Variants in STUM observed in about 807,000 individuals in gnomAD.
The protein encoded by STUM is protein stum homolog.
A neutral mutation model predicts 15.3 loss-of-function variants in STUM; 8 were observed. The ratio of observed to expected loss-of-function variants is 0.52; its 90% confidence interval spans 0.31 to 0.94. The LOEUF (loss-of-function observed/expected upper bound fraction) is 0.94, where lower values mean the gene tolerates loss of function less well. Among genes scored for constraint, STUM ranks in the 40% least tolerant of loss-of-function variants. The pLI, the probability that STUM is intolerant of heterozygous loss-of-function variation, is 0.05. For missense variants in STUM, 142 were observed against 204.9 expected (o/e 0.69, Z 1.87); for synonymous variants, 78 against 88.7 (o/e 0.88, Z 0.68).
rs1328098540 is a variant in STUM at position 226,601,888 on chromosome 1, C to A, written c.392-118C>A. The A allele has an allele frequency of 8.3e-5, 66 of 791,272 alleles. No individual in the cohort carries two copies. In the East Asian group the frequency reaches 1.7e-3, roughly 21 times the overall value. 49.0% of individuals were successfully genotyped at this position (791,272 alleles called of 1,614,324 possible). ...AAAGTTGTGCTCTGATGGTAGCAGT[C>A]ATTTACACCTTAGTATAAACAATGC... On this transcript the variant is annotated intron_variant, in intron 3 of 3. Transcript: ENST00000366788.
chr1:226,554,001 G>A (rs889319874), intron 1 of STUM, among the ~76,000 whole-genome samples: 2 of 152,134 alleles, frequency 1.3e-5, no homozygotes, highest in African/African-American at 2.4e-5. Context: ...ACCCCCACCC[G>A]ATGCCATATG....
At chr1:226,558,337 C>G (rs1189877713) in intron 1 of STUM, among the ~76,000 whole-genome samples, 1 of 152,112 alleles carries the variant, frequency 6.6e-6, no homozygotes, top group African/African-American at 2.4e-5. Context: ...CCCTTTGTTC[C>G]CAGGATCATT....
rs546819148 is a variant in STUM at position 226,601,283 on chromosome 1, C to A, written c.391+609C>A. ...CTGGGACTACAGGCACATGCCTCCA[C>A]GCCCAGTTAATTTTTTGTATTCTTA... On this transcript the variant is annotated intron_variant, in intron 3 of 3. Coordinates refer to ENST00000366788, the MANE Select transcript of STUM (RefSeq NM_001003665.4). Among the ~76,000 whole-genome samples, 76 of 152,256 alleles carry A rather than the reference C, an allele frequency of 5.0e-4. 2 individuals are homozygous for A. The South Asian group carries it at 0.016, about 31-fold the overall frequency.
At chr1:226,578,609 C>G (rs1408476457) in intron 1 of STUM, among the ~76,000 whole-genome samples, 1 of 152,178 alleles carries the variant, frequency 6.6e-6, no homozygotes, top group Non-Finnish European at 1.5e-5. Context: ...GCACTCCTCC[C>G]ACCTTGGCCT....
At chr1:226,596,627 A>C (rs906106525) in intron 1 of STUM, among the ~76,000 whole-genome samples, 175 bp from the exon 2 acceptor site, 2 of 152,162 alleles carry the variant, frequency 1.3e-5, no homozygotes, top group African/African-American at 4.8e-5. Context: ...TATGGAGATG[A>C]GAGGTGGGCC....
intron 1 of STUM, among the ~76,000 whole-genome samples, chr1:226,596,149 A>T (rs893951404): frequency 1.2e-4 from 18 of 152,158 alleles, no homozygotes; most frequent in African/African-American, 4.3e-4. Flanking sequence ...GTGGATGCTC[A>T]ATAGAGCTTA....
chr1:226,595,017 G>A (rs894450534), intron 1 of STUM, among the ~76,000 whole-genome samples: 7 of 152,180 alleles, frequency 4.6e-5, no homozygotes, highest in African/African-American at 1.4e-4. Context: ...GAAGTCCCAC[G>A]ATAGGTTGAC....
At chr1:226,581,720 A>T (rs1306168521) in intron 1 of STUM, among the ~76,000 whole-genome samples, 1 of 152,180 alleles carries the variant, frequency 6.6e-6, no homozygotes, top group East Asian at 1.9e-4. Flanking sequence ...CAGCAAAATG[A>T]GCTGAGAAGA....
chr1:226,570,059 C>G (rs1667682868), intron 1 of STUM, among the ~76,000 whole-genome samples: 3 of 152,158 alleles, frequency 2.0e-5, no homozygotes, highest in African/African-American at 7.2e-5. Context: ...AACCTGAGCC[C>G]CGCCCCTCCC....
At chr1:226,593,008 A>G (rs1668114173) in intron 1 of STUM, among the ~76,000 whole-genome samples, 1 of 152,224 alleles carries the variant, frequency 6.6e-6, no homozygotes, top group South Asian at 2.1e-4. Context: ...CAACATGGGG[A>G]AACCCCGTCT....
intron 1 of STUM, among the ~76,000 whole-genome samples, chr1:226,572,458 G>A (rs1170726584): frequency 6.6e-6 from 1 of 152,246 alleles, no homozygotes; most frequent in East Asian, 1.9e-4. Flanking sequence ...GAGGCTAACA[G>A]CCCTGTGCGG....
chr1:226,559,284 A>G (rs1667499015), intron 1 of STUM, among the ~76,000 whole-genome samples: 1 of 152,152 alleles, frequency 6.6e-6, no homozygotes, highest in Non-Finnish European at 1.5e-5. Flanking sequence ...AACCTCAACA[A>G]TGAAAATGGT....
Position 226,549,061 on chromosome 1 carries a change from G to T in STUM, c.157G>T (p.Val53Leu). 1 of 1,581,198 alleles carries T rather than the reference G, an allele frequency of 6.3e-7. No individual in the cohort carries two copies. Among genetic ancestry groups the T allele is most frequent in the Non-Finnish European group, 8.6e-7 (1 of 1,166,434 alleles). Residue 53 changes from valine (V) to leucine (L), a missense_variant, in exon 1 of 4, where the codon GTG becomes TTG. By Grantham distance (32) the Val-to-Leu change is conservative. Transcript: ENST00000366788. The surrounding 1 kb of genome is among the most constrained non-coding windows in gnomAD (Gnocchi z 6.8). ...CGCCATCCCCTACATGCCCTTCCCC[G>T]TGGCCGTCATCTGCCTCTTCCTCAA... is the stretch of plus-strand genomic sequence containing the variant. ...RAAIPYMPFP[V>L]AVICLFLNTF...
intron 1 of STUM, among the ~76,000 whole-genome samples, chr1:226,575,063 C>G (rs138411303): frequency 1.3e-5 from 2 of 152,150 alleles, no homozygotes; most frequent in African/African-American, 2.4e-5. Flanking sequence ...TCACAGCAGG[C>G]CTGTGAAGTA....
rs568479422 is a variant in STUM at position 226,604,468 on chromosome 1, C to G, written c.*2428C>G. ...GATGTGTGGGAGAAGCCAAGAGGCC[C>G]CTGCCTGTCTCCTGAATGAGGCTGT... is the stretch of plus-strand genomic sequence containing the variant. On this transcript the variant is annotated 3_prime_UTR_variant, in exon 4 of 4. Coordinates refer to ENST00000366788, the MANE Select transcript of STUM (RefSeq NM_001003665.4). This position sits in a 1 kb window ranked among gnomAD's most constrained non-coding sequence, Gnocchi z 4.7. 6.6e-6 allele frequency: 1 copy of G among 152,366 alleles called. No homozygotes were observed. The highest frequency in any genetic ancestry group is 1.5e-5 in the Non-Finnish European group (1 of 68,062). The allele number at this position is 152,366 out of a possible 1,614,324, so 9.4% of individuals were successfully genotyped here. A position where few individuals can be genotyped will look rare whatever the true frequency, so the allele number is the denominator to read the frequency against.
At chr1:226,582,403 G>A (rs1302839570) in intron 1 of STUM, among the ~76,000 whole-genome samples, 1 of 152,074 alleles carries the variant, frequency 6.6e-6, no homozygotes, top group Non-Finnish European at 1.5e-5. Context: ...GACCAGCCTG[G>A]CCAACATGGT....
In STUM at chr1:226,558,214, C is replaced by T. The variant is rs114535452; in HGVS notation, c.202+9108C>T. Among the ~76,000 whole-genome samples, 705 of 152,170 alleles carry T rather than the reference C, an allele frequency of 4.6e-3. 6 individuals are homozygous for T. The highest frequency in any genetic ancestry group is 0.016 in the African/African-American group (663 of 41,524). ...AATTGTCATTGCTGATGACATAATC[C>T]TATATATAGAAAACCTTACAGACTC... On this transcript the variant is annotated intron_variant, in intron 1 of 3. Transcript: ENST00000366788.
At chr1:226,597,050 C>A in intron 2 of STUM, 69 bp downstream of exon 2, 3 of 1,460,836 alleles carry the variant, frequency 2.1e-6, no homozygotes, top group Non-Finnish European at 2.9e-6. Flanking sequence ...GCTTGGGAGA[C>A]CTTCATGTCT....
At chr1:226,550,182 A>C (rs1030200808) in intron 1 of STUM, among the ~76,000 whole-genome samples, 2 of 152,082 alleles carry the variant, frequency 1.3e-5, no homozygotes, top group African/African-American at 4.8e-5. Flanking sequence ...AGGGGTTTTC[A>C]GTTTGACTTT....
Sources: gnomAD v4.1 joint callset for allele counts (sites outside exome capture counted in the v4.1 genomes callset) on GRCh38, gnomAD v4.1.1 for gene constraint, Gnocchi (gnomAD v3.1) non-coding constraint, MANE v1.5 for transcripts, NCBI Gene and HGNC (gene_info 2026-07-23, HGNC 2026-07-21) for gene names.